Variants in GXYLT1 observed in about 807,000 individuals in gnomAD.
GXYLT1 encodes glycosyltransferase 8 domain containing 3.
A neutral mutation model predicts 54.0 loss-of-function variants in GXYLT1; 29 were observed. The observed-to-expected ratio is 0.54, with a 90% confidence interval of 0.40 to 0.73. The LOEUF (loss-of-function observed/expected upper bound fraction) is 0.73, where lower values mean the gene tolerates loss of function less well. Among genes scored for constraint, GXYLT1 ranks in the 30% least tolerant of loss-of-function variants. The probability of loss-of-function intolerance (pLI) is 0.00; values close to 1 mark genes in which losing one functional copy is unlikely to be tolerated. For missense variants in GXYLT1, 490 were observed against 553.4 expected (o/e 0.89, Z 1.15); for synonymous variants, 176 against 204.1 (o/e 0.86, Z 1.17).
At chr12:42,132,706 C>T (rs1327291813) in intron 1 of GXYLT1, among the ~76,000 whole-genome samples, 1 of 152,148 alleles carries the variant, frequency 6.6e-6, no homozygotes, top group Non-Finnish European at 1.5e-5. Context: ...AGGAAATATC[C>T]ACCAGGGAGC....
rs537813884 is a variant in GXYLT1 at position 42,085,320 on chromosome 12, A to C, written c.*2466T>G. ...TGTAGTGTGTGTGACAGTGTAAATA[A>C]GCCACAACATGAGTGAGACCACAGC... On this transcript the variant is annotated 3_prime_UTR_variant, in exon 8 of 8. Transcript: ENST00000398675. The C allele has an allele frequency of 6.6e-6, 1 of 152,426 alleles. No individual in the cohort carries two copies. Among genetic ancestry groups the C allele is most frequent in the South Asian group, 2.1e-4 (1 of 4,832 alleles). The allele number at this position is 152,426 out of a possible 1,614,324, so 9.4% of individuals were successfully genotyped here. A position where few individuals can be genotyped will look rare whatever the true frequency, so the allele number is the denominator to read the frequency against.
At chr12:42,121,965 T>G (rs762886656) in intron 2 of GXYLT1, among the ~76,000 whole-genome samples, 2 of 152,086 alleles carry the variant, frequency 1.3e-5, no homozygotes, top group East Asian at 1.9e-4. Flanking sequence ...AGCTTCTATA[T>G]GATAGGAAGT....
intron 7 of GXYLT1, among the ~76,000 whole-genome samples, chr12:42,093,230 T>C (rs2065338400): frequency 6.6e-6 from 1 of 152,174 alleles, no homozygotes; most frequent in South Asian, 2.1e-4. Context: ...CCCAAGTAGC[T>C]GGGATTACAG....
At chr12:42,115,968 T>C (rs1697160015) in intron 3 of GXYLT1, among the ~76,000 whole-genome samples, 1 of 148,220 alleles carries the variant, frequency 6.7e-6, no homozygotes, top group South Asian at 2.3e-4. Context: ...CCCTCAGAAA[T>C]AATGCCGCAT....
At chr12:42,130,760 G>A (rs1004511455) in intron 1 of GXYLT1, among the ~76,000 whole-genome samples, 1 of 151,986 alleles carries the variant, frequency 6.6e-6, no homozygotes, top group East Asian at 1.9e-4. Context: ...AGATTAGCAT[G>A]GTCAACATAA....
In GXYLT1 at chr12:42,143,547, C is replaced by G. The variant is rs1565584336; in HGVS notation, c.221+879G>C. On this transcript the variant is annotated intron_variant, in intron 1 of 7. Coordinates refer to ENST00000398675, the MANE Select transcript of GXYLT1 (RefSeq NM_173601.2). ...AACCCTATACTTCTCTATATCAAAGCAGCATTTGCCAAGTCTTGGTAGGGA... is the reference window on the plus strand; with the variant it reads ...AACCCTATACTTCTCTATATCAAAGGAGCATTTGCCAAGTCTTGGTAGGGA... Among the ~76,000 whole-genome samples, 10 of 152,330 alleles carry G rather than the reference C, an allele frequency of 6.6e-5. No individual in the cohort carries two copies. In the South Asian group the frequency reaches 1.9e-3, roughly 28 times the overall value.
chr12:42,140,740 C>G (rs2065647934), intron 1 of GXYLT1, among the ~76,000 whole-genome samples: 1 of 152,144 alleles, frequency 6.6e-6, no homozygotes. Flanking sequence ...GACAAGGAGA[C>G]ACATAAGGAG....
chr12:42,131,620 A>G (rs1319470633), intron 1 of GXYLT1, among the ~76,000 whole-genome samples: 1 of 152,236 alleles, frequency 6.6e-6, no homozygotes, highest in Non-Finnish European at 1.5e-5. Context: ...ACAAAAGGCT[A>G]CATATCTTCA....
chr12:42,112,398 A>G (rs574509991), intron 3 of GXYLT1, among the ~76,000 whole-genome samples: 9 of 152,330 alleles, frequency 5.9e-5, no homozygotes, highest in Non-Finnish European at 1.2e-4. Context: ...CTTTGAAAAA[A>G]AATTAGATGA....
chr12:42,136,786 A>ACATACATACATG (rs1204237739), intron 1 of GXYLT1, among the ~76,000 whole-genome samples: 3 of 147,136 alleles, frequency 2.0e-5, no homozygotes, highest in African/African-American at 4.9e-5. Context: ...ATACATACAT[A>ACATACATACATG]CAAACAAACA....
intron 1 of GXYLT1, among the ~76,000 whole-genome samples, chr12:42,138,327 G>A (rs2065632697): frequency 6.6e-6 from 1 of 152,108 alleles, no homozygotes; most frequent in African/African-American, 2.4e-5. Context: ...ATAATTTCTA[G>A]ACAACTTAAC....
At chr12:42,101,069 T>C (rs1178639886) in intron 5 of GXYLT1, among the ~76,000 whole-genome samples, 1 of 151,916 alleles carries the variant, frequency 6.6e-6, no homozygotes, top group Non-Finnish European at 1.5e-5. Flanking sequence ...AAGAAAAAAG[T>C]CCCATTAGAA....
At position 42,109,604 on chromosome 12, in the gene GXYLT1, GTT is replaced by G; in HGVS notation, c.572_573del (p.Lys191ThrfsTer3). 1.9e-6 allele frequency: 3 copies of G among 1,586,224 alleles called. No homozygotes were observed. Among genetic ancestry groups the G allele is most frequent in the Non-Finnish European group, 2.6e-6 (3 of 1,166,902 alleles). The part of the protein sequence containing the change: ...FPSENAAEWK[K>X]LFKPCASQRL... ...CTCTGCGAAGCACATGGTTTAAAGAGTTTTTTCCACTCTGCTGCATTCTCACT... is the reference window on the plus strand; with the variant it reads ...CTCTGCGAAGCACATGGTTTAAAGAGTTTTCCACTCTGCTGCATTCTCACT... On this transcript the variant is annotated frameshift_variant, in exon 4 of 8. Coordinates refer to ENST00000398675, the MANE Select transcript of GXYLT1 (RefSeq NM_173601.2). LOFTEE classifies it high-confidence loss of function.
chr12:42,117,747 T>C (rs1223941245), intron 3 of GXYLT1, among the ~76,000 whole-genome samples: 1 of 152,214 alleles, frequency 6.6e-6, no homozygotes, highest in East Asian at 1.9e-4. Context: ...TCTGCCTCTA[T>C]CTGTTCTCTT....
chr12:42,132,702 T>C (rs989695907), intron 1 of GXYLT1, among the ~76,000 whole-genome samples: 1 of 152,096 alleles, frequency 6.6e-6, no homozygotes, highest in Admixed American at 6.5e-5. Context: ...TCTCAGGAAA[T>C]ATCCACCAGG....
chr12:42,127,958 G>A (rs752320400), intron 2 of GXYLT1, among the ~76,000 whole-genome samples: 2 of 152,144 alleles, frequency 1.3e-5, no homozygotes, highest in African/African-American at 2.4e-5. Flanking sequence ...TATCTGATTT[G>A]AACCTATTCC....
intron 3 of GXYLT1, among the ~76,000 whole-genome samples, chr12:42,118,090 A>C (rs1163517915): frequency 2.0e-5 from 3 of 152,208 alleles, no homozygotes; most frequent in Non-Finnish European, 4.4e-5. Flanking sequence ...TATAATCCAG[A>C]CTACCTACTT....
At chr12:42,138,136 A>G (rs181165276) in intron 1 of GXYLT1, among the ~76,000 whole-genome samples, 4 of 152,216 alleles carry the variant, frequency 2.6e-5, no homozygotes, top group East Asian at 1.9e-4. Context: ...GTGTGGTGGC[A>G]TGCGCCTGTA....
At chr12:42,140,131 A>C (rs1287253917) in intron 1 of GXYLT1, among the ~76,000 whole-genome samples, 1 of 132,626 alleles carries the variant, frequency 7.5e-6, no homozygotes, top group African/African-American at 2.8e-5. Context: ...CAGTGAGCTG[A>C]GATCGCACCA....
Sources: allele counts gnomAD v4.1 joint callset (sites outside exome capture counted in the v4.1 genomes callset), GRCh38; gene constraint gnomAD v4.1.1; transcripts MANE v1.5; gene names NCBI Gene and HGNC (gene_info 2026-07-23, HGNC 2026-07-21).